Variants in CENPE observed in about 807,000 individuals in gnomAD.
CENPE encodes centromere protein E.
A neutral mutation model predicts 336.1 loss-of-function variants in CENPE; 145 were observed. The ratio of observed to expected loss-of-function variants is 0.43; its 90% CI spans 0.38 to 0.50. The LOEUF is 0.50. CENPE is among the 20% of genes least tolerant of loss of function. The pLI is 0.00. For missense variants in CENPE, 2,719 were observed against 3,023.3 expected (o/e 0.90, Z 2.36); for synonymous variants, 1,013 against 984.8 (o/e 1.03, Z -0.54).
chr4:103,168,065 G>A (rs1450801774), intron 16 of CENPE, among the ~76,000 whole-genome samples: 4 of 151,640 alleles, frequency 2.6e-5, no homozygotes, highest in East Asian at 3.9e-4. Flanking sequence ...AGCAGATTCC[G>A]ACGGGGACAT....
intron 42 of CENPE, among the ~76,000 whole-genome samples, chr4:103,124,234 A>G (rs1750897638): frequency 2.0e-5 from 3 of 152,198 alleles, no homozygotes. Flanking sequence ...GACAGTGTAT[A>G]TGCTGAAGTT....
rs777242024 is a variant in CENPE, at chr4:103,138,365, A to T, written c.6289T>A (p.Cys2097Ser). ...QHLTESLREKCSRIKELLKRY... is the reference protein window; with the variant it reads ...QHLTESLREKSSRIKELLKRY... ...GGGGTACTTACTTTTATTCTAGAGC[A>T]CTTTTCTCTCAGGCTTTCCGTAAGG... The change falls in exon 39 of 49, where the codon TGC (cysteine) becomes AGC (serine). Residue 2097 changes from cysteine (C) to serine (S), a missense_variant. Around this residue, in one of 5 missense-constraint regions of CENPE, gnomAD observed 2,437 missense variants for 2,513.3 expected, o/e 0.97. Transcript: ENST00000265148. The T allele has an allele frequency of 6.2e-7, 1 of 1,609,736 alleles. No individual in the cohort carries two copies. The highest frequency in any genetic ancestry group is 8.5e-7 in the Non-Finnish European group (1 of 1,176,052).
intron 40 of CENPE, among the ~76,000 whole-genome samples, chr4:103,135,472 C>A (rs1751986957): frequency 6.6e-6 from 1 of 152,152 alleles, no homozygotes; most frequent in Admixed American, 6.5e-5. Context: ...ATCTAAACTT[C>A]TCTCCCTTAT....
chr4:103,155,253 T>C (rs1354460669), intron 24 of CENPE, among the ~76,000 whole-genome samples: 1 of 152,192 alleles, frequency 6.6e-6, no homozygotes, highest in African/African-American at 2.4e-5. Context: ...TTGATTGCCA[T>C]ATATTATTGT....
chr4:103,125,516 T>TA (rs987709540), intron 42 of CENPE, among the ~76,000 whole-genome samples: 17 of 149,980 alleles, frequency 1.1e-4, no homozygotes, highest in African/African-American at 2.2e-4. Context: ...GAACAATGAT[T>TA]AAAAAAAAAA....
chr4:103,115,876 G>A (rs1470214105), intron 45 of CENPE, among the ~76,000 whole-genome samples: 1 of 151,800 alleles, frequency 6.6e-6, no homozygotes, highest in African/African-American at 2.4e-5. Context: ...GACTACAGGC[G>A]CCTGCCACCA....
At chr4:103,117,222 A>C (rs1390898012) in intron 44 of CENPE, among the ~76,000 whole-genome samples, 1 of 152,240 alleles carries the variant, frequency 6.6e-6, no homozygotes, top group Non-Finnish European at 1.5e-5. Flanking sequence ...GAGTTCCTAC[A>C]TACCCAGTGT....
In CENPE at chr4:103,171,835, A is replaced by G. The variant is rs113123507; in HGVS notation, c.1647+2901T>C. Among the ~76,000 whole-genome samples, 254 of 151,938 alleles carry G rather than the reference A, an allele frequency of 1.7e-3. 3 individuals are homozygous for G. Among genetic ancestry groups the G allele is most frequent in the African/African-American group, 5.7e-3 (238 of 41,552 alleles). ...ATTACAATTGATACCACAGAAATAC[A>G]AAGAACAATTATATGCCAATAAATT... On this transcript the variant is annotated intron_variant, in intron 16 of 48. Transcript: ENST00000265148.
At chr4:103,154,020 A>C (rs1254492273) in intron 24 of CENPE, among the ~76,000 whole-genome samples, 1 of 152,186 alleles carries the variant, frequency 6.6e-6, no homozygotes, top group Non-Finnish European at 1.5e-5. Flanking sequence ...AATGTAACCT[A>C]ATACGTGAAC....
intron 39 of CENPE, among the ~76,000 whole-genome samples, chr4:103,137,779 C>T (rs1233108220): frequency 6.6e-6 from 1 of 152,154 alleles, no homozygotes; most frequent in East Asian, 1.9e-4. Flanking sequence ...TGATTGAAAT[C>T]AGTCTTTATA....
chr4:103,158,347 G>A lies in CENPE; in HGVS notation c.2986C>T (p.His996Tyr). The A allele has an allele frequency of 1.2e-6, 2 of 1,609,052 alleles. No individual in the cohort carries two copies. The highest frequency in any genetic ancestry group is 1.7e-6 in the Non-Finnish European group (2 of 1,177,882). ...KISEEVSRNLHMEENTGETKD... is the reference protein window; with the variant it reads ...KISEEVSRNLYMEENTGETKD... ...GTTTCTCCTGTATTTTCCTCCATAT[G>A]CAAATTCCTGGAAACTTCCTCAGAA... The change falls in exon 24 of 49, where the codon CAT becomes TAT. Residue 996 changes from histidine to tyrosine, a missense_variant. By Grantham distance (83) the His-to-Tyr change is moderately conservative (BLOSUM62 2). This residue lies in a region of CENPE where 2,437 missense variants were observed against 2,513.3 expected (regional missense o/e 0.97). Coordinates refer to ENST00000265148, the MANE Select transcript of CENPE (RefSeq NM_001813.3).
In CENPE at chr4:103,198,122, C is replaced by A. The variant is rs1757877329; in HGVS notation, c.56+142G>T. ...ATCCTCCCCTGTCACTTTACAGACC[C>A]TGAAACGATGGCCAGCAGCCGAGTC... On this transcript the variant is annotated intron_variant, in intron 1 of 48. Coordinates refer to ENST00000265148, the MANE Select transcript of CENPE (RefSeq NM_001813.3). 3 of 741,894 alleles carry A rather than the reference C, an allele frequency of 4.0e-6. No homozygotes were observed. The Admixed American group carries it at 8.1e-5, about 20-fold the overall frequency. 46.0% of individuals were successfully genotyped at this position (741,894 alleles called of 1,614,324 possible).
chr4:103,115,043 C>T (rs923781881), intron 45 of CENPE, among the ~76,000 whole-genome samples: 6 of 152,260 alleles, frequency 3.9e-5, no homozygotes, highest in South Asian at 2.1e-4. Flanking sequence ...TGTTAGTTTA[C>T]GCATTAATCA....
chr4:103,161,211 A>G lies in CENPE; in HGVS notation c.2006T>C (p.Ile669Thr), dbSNP rs1553933034. ...ATTYKQMEND[I>T]QLYQSQLEAK... ...CTCCAACTGGCTTTGATATAACTGA[A>G]TATCATTTTCCATTTGCTTGTATGT... The change falls in exon 20 of 49, where the codon ATT becomes ACT. Residue 669 changes from isoleucine to threonine, a missense_variant. Ile to Thr is a moderately conservative substitution (Grantham distance 89, BLOSUM62 -1). Transcript: ENST00000265148. 1.2e-6 allele frequency: 2 copies of G among 1,609,512 alleles called. No homozygotes were observed. The highest frequency in any genetic ancestry group is 1.7e-6 in the Non-Finnish European group (2 of 1,178,570).
chr4:103,180,225 G>T, intron 13 of CENPE, 86 bp downstream of exon 13: 1 of 1,205,948 alleles, frequency 8.3e-7, no homozygotes, highest in Non-Finnish European at 1.1e-6. Context: ...TCAAAGGATA[G>T]AAAGTGCATA....
chr4:103,145,020 A>C (rs1286947275), intron 32 of CENPE, 30 bp downstream of exon 32: 6 of 239,284 alleles, frequency 2.5e-5, no homozygotes, highest in South Asian at 1.3e-4. Context: ...TTCTGTATCC[A>C]AAAAAAAAAA....
At chr4:103,136,583 C>A (rs1752088368) in intron 39 of CENPE, among the ~76,000 whole-genome samples, 1 of 152,096 alleles carries the variant, frequency 6.6e-6, no homozygotes, top group South Asian at 2.1e-4. Context: ...GCAAATATAA[C>A]AAAGAAAGCC....
At chr4:103,188,273 C>A (rs1420497308) in intron 8 of CENPE, among the ~76,000 whole-genome samples, 3 of 152,210 alleles carry the variant, frequency 2.0e-5, no homozygotes, top group Non-Finnish European at 4.4e-5. Flanking sequence ...AGGAATTGAA[C>A]TCAGCTCTGC....
In CENPE at chr4:103,145,215, T is replaced by A; in HGVS notation, c.4692A>T (p.Leu1564=). ...KEHRKAKDSA[L]QSIESKMLEL... ...CGAGCATCTTACTTTCTATACTTTG[T>A]AGTGCTGAATCCTTGGCTTTGCGAT... is the stretch of plus-strand genomic sequence containing the variant. Residue 1564 remains leucine (L), a synonymous_variant, in exon 32 of 49, where the codon CTA becomes CTT. Coordinates refer to ENST00000265148, the MANE Select transcript of CENPE (RefSeq NM_001813.3). 1 of 1,613,826 alleles carries A rather than the reference T, an allele frequency of 6.2e-7. No homozygotes were observed.
Sources: allele counts gnomAD v4.1 joint callset (sites outside exome capture counted in the v4.1 genomes callset), GRCh38; gene constraint gnomAD v4.1.1; regional missense constraint gnomAD v4.1.1; transcripts MANE v1.5; gene names NCBI Gene and HGNC (gene_info 2026-07-23, HGNC 2026-07-21).